Variants in TMEM81 observed in about 807,000 individuals in gnomAD.
TMEM81 encodes the protein transmembrane protein 81.
For synonymous variants in TMEM81, 132 were observed against 119.1 expected (o/e 1.11, Z -0.71); for missense variants, 294 against 300.5 (o/e 0.98, Z 0.16).
Position 205,083,628 on chromosome 1 carries a change from T to C in TMEM81, c.693A>G (p.Gly231=), listed in dbSNP as rs1466898694. ...KKKVASALGI[G]IAIGVVGGVL... ...CGCCACCAACCACTCCAATGGCAAT[T>C]CCTATTCCCAAGGCTGACGCCACCT... is the stretch of plus-strand genomic sequence containing the variant. Residue 231 remains glycine (G), a synonymous_variant, in exon 1 of 1, where the codon GGA becomes GGG. Coordinates refer to ENST00000367167, the MANE Select transcript of TMEM81 (RefSeq NM_203376.2). 5 of 1,614,190 alleles carry C rather than the reference T, an allele frequency of 3.1e-6. No individual in the cohort carries two copies. The highest frequency in any genetic ancestry group is 4.2e-6 in the Non-Finnish European group (5 of 1,180,044).
chr1:205,084,070 T>C lies in TMEM81; in HGVS notation c.251A>G (p.Asn84Ser), dbSNP rs868015752. The C allele has an allele frequency of 9.9e-6, 16 of 1,614,112 alleles. No homozygotes were observed. The highest frequency in any genetic ancestry group is 1.6e-4 in the Middle Eastern group (1 of 6,084). Residue 84 changes from asparagine (N) to serine (S), a missense_variant, in exon 1 of 1, where the codon AAC becomes AGC. Transcript: ENST00000367167. ...CQTRRLECLT[N>S]WICGMLHFTI... ...GAAATGGAGCATCCCACAGATCCAG[T>C]TGGTCAGACATTCTAAGCGCCGAGT...
At position 205,083,786 on chromosome 1, in the gene TMEM81, T is replaced by G. The variant is rs745974204; in HGVS notation, c.535A>C (p.Arg179=). The change falls in exon 1 of 1, where the codon AGG becomes CGG. Residue 179 remains arginine, a synonymous_variant. Coordinates refer to ENST00000367167, the MANE Select transcript of TMEM81 (RefSeq NM_203376.2). The part of the protein sequence containing the change: ...RLVKRLYFGL[R]VLPPNLVNLN... ...TTCACCAAGTTAGGAGGAAGGACCC[T>G]CAACCCAAAATAGAGCCTCTTGACG... is the stretch of plus-strand genomic sequence containing the variant. The G allele has an allele frequency of 6.8e-6, 11 of 1,614,228 alleles. No individual in the cohort carries two copies. In the South Asian group the frequency reaches 1.2e-4, roughly 18 times the overall value.
rs746415800 is a variant in TMEM81 at position 205,084,250 on chromosome 1, G to T, written c.71C>A (p.Thr24Asn). The change falls in exon 1 of 1, where the codon ACT becomes AAT. Residue 24 changes from threonine to asparagine, a missense_variant. Transcript: ENST00000367167. ...AGGGATGGCCAGTGTTTTAGGTGTA[G>T]TCACCACCAAAGGCAGGTAGAAGGC... ...GLAFYLPLVV[T>N]TPKTLAIPEK... The T allele has an allele frequency of 6.2e-7, 1 of 1,614,020 alleles. No homozygotes were observed. The highest frequency in any genetic ancestry group is 1.7e-5 in the Admixed American group (1 of 60,014).
At position 205,083,513 on chromosome 1, in the gene TMEM81, C is replaced by A; in HGVS notation, c.*40G>T. ...AAAGCTAGCTTGGCTTCCTGGGCAG[C>A]CAGTTCTTCAGGAGCAAGGCTGTTA... On this transcript the variant is annotated 3_prime_UTR_variant, in exon 1 of 1. Coordinates refer to ENST00000367167, the MANE Select transcript of TMEM81 (RefSeq NM_203376.2). The A allele has an allele frequency of 6.4e-7, 1 of 1,550,652 alleles. No homozygotes were observed. The highest frequency in any genetic ancestry group is 8.7e-7 in the Non-Finnish European group (1 of 1,149,406).
At position 205,084,201 on chromosome 1, in the gene TMEM81, C is replaced by T; in HGVS notation, c.120G>A (p.Gly40=). 6.2e-7 allele frequency: 1 copy of T among 1,614,166 alleles called. No homozygotes were observed. The highest frequency in any genetic ancestry group is 8.5e-7 in the Non-Finnish European group (1 of 1,180,032). ...AGGTTGTGGCATTGATGATAACTTT[C>T]CCCACAGCTTCTTGCAGCTTCTCAG... is the stretch of plus-strand genomic sequence containing the variant. The part of the protein sequence containing the change: ...AIPEKLQEAV[G]KVIINATTCT... The change falls in exon 1 of 1, where the codon GGG becomes GGA. Residue 40 remains glycine (G), a synonymous_variant. Transcript: ENST00000367167.
Position 205,083,922 on chromosome 1 carries a change from CTCA to C in TMEM81, c.396_398del (p.Asp132del). On this transcript the variant is annotated inframe_deletion, in exon 1 of 1. Coordinates refer to ENST00000367167, the MANE Select transcript of TMEM81 (RefSeq NM_203376.2). ...AGTTGGCTTGAAAGGGTTTGAAGAC[CTCA>C]TCGTCAGTGGAGATGACACCTCGAG... is the stretch of plus-strand genomic sequence containing the variant. 1 of 1,614,190 alleles carries C rather than the reference CTCA, an allele frequency of 6.2e-7. No homozygotes were observed. The highest frequency in any genetic ancestry group is 8.5e-7 in the Non-Finnish European group (1 of 1,180,042).
Position 205,083,684 on chromosome 1 carries a change from A to G in TMEM81, c.637T>C (p.Ser213Pro). The G allele has an allele frequency of 1.9e-6, 3 of 1,614,196 alleles. No individual in the cohort carries two copies. The highest frequency in any genetic ancestry group is 2.5e-6 in the Non-Finnish European group (3 of 1,180,034). The part of the protein sequence containing the change: ...EGLEVNLDSY[S>P]KPHHPKWKKK... The stretch of plus-strand genomic sequence containing the variant: ...TTCCACTTTGGGTGGTGAGGCTTGG[A>G]GTAGCTGTCCAGATTAACTTCCAAT... The change falls in exon 1 of 1, where the codon TCC becomes CCC. Residue 213 changes from serine (S) to proline (P), a missense_variant. Transcript: ENST00000367167.
Position 205,084,306 on chromosome 1 carries a change from G to C in TMEM81, c.15C>G (p.Ala5=). The C allele has an allele frequency of 4.3e-6, 7 of 1,613,064 alleles. No individual in the cohort carries two copies. The highest frequency in any genetic ancestry group is 5.9e-6 in the Non-Finnish European group (7 of 1,179,466). The change falls in exon 1 of 1, where the codon GCC becomes GCG. Residue 5 remains alanine (A), a synonymous_variant. Transcript: ENST00000367167. ...CCAGGCTCCCAAGGACAAAACTAGT[G>C]GCTAAAACCTTCATGTCTCGGTAGG... MKVL[A]TSFVLGSLGL...
chr1:205,083,405 T>A lies in TMEM81; in HGVS notation c.*148A>T. On this transcript the variant is annotated 3_prime_UTR_variant, in exon 1 of 1. Transcript: ENST00000367167. ...GCATAGCTCCCAGGAGATTGTCCCC[T>A]CCATTTCTCCCACTCATTCTTTTGG... is the stretch of plus-strand genomic sequence containing the variant. 2 of 866,598 alleles carry A rather than the reference T, an allele frequency of 2.3e-6. No homozygotes were observed. The highest frequency in any genetic ancestry group is 3.5e-6 in the Non-Finnish European group (2 of 577,566). 53.7% of individuals were successfully genotyped at this position (866,598 alleles called of 1,614,324 possible). A position where few individuals can be genotyped will look rare whatever the true frequency, so the allele number is the denominator to read the frequency against.
In TMEM81 at chr1:205,083,703, T is replaced by C. The variant is rs1360283696; in HGVS notation, c.618A>G (p.Glu206=). Residue 206 remains glutamate, a synonymous_variant, in exon 1 of 1, where the codon GAA becomes GAG. Transcript: ENST00000367167. ...GCTTGGAGTAGCTGTCCAGATTAACTTCCAATCCCTCATCTATTAACTTCT... is the reference window on the plus strand; with the variant it reads ...GCTTGGAGTAGCTGTCCAGATTAACCTCCAATCCCTCATCTATTAACTTCT... ...EDQKLIDEGL[E]VNLDSYSKPH... The C allele has an allele frequency of 6.2e-7, 1 of 1,614,216 alleles. No homozygotes were observed. The highest frequency in any genetic ancestry group is 1.3e-5 in the African/African-American group (1 of 75,062).
At position 205,083,265 on chromosome 1, in the gene TMEM81, A is replaced by G. The variant is rs535379914; in HGVS notation, c.*288T>C. 7.8e-6 allele frequency: 3 copies of G among 386,498 alleles called. No homozygotes were observed. The East Asian group carries it at 1.2e-4, about 16-fold the overall frequency. The allele number at this position is 386,498 out of a possible 1,614,324, so 23.9% of individuals were successfully genotyped here. ...GTCATAAAGGGTAGAAAATGAATGC[A>G]AGCTTCTTAGAACTCTTCCCAGGAA... On this transcript the variant is annotated 3_prime_UTR_variant, in exon 1 of 1. Transcript: ENST00000367167.
In TMEM81 at chr1:205,083,148, T is replaced by TG. The variant is rs757819514; in HGVS notation, c.*404dup. 6.6e-5 allele frequency: 11 copies of TG among 165,722 alleles called. No individual in the cohort carries two copies. The highest frequency in any genetic ancestry group is 1.2e-4 in the African/African-American group (5 of 42,030). The allele number at this position is 165,722 out of a possible 1,614,324, so 10.3% of individuals were successfully genotyped here. The stretch of plus-strand genomic sequence containing the variant: ...TACAGCTACTGTGAATTACTTTTAT[T>TG]GAAAAAAAATGTTCACTAAAAAGGC... On this transcript the variant is annotated 3_prime_UTR_variant, in exon 1 of 1. Transcript: ENST00000367167.
At position 205,084,307 on chromosome 1, in the gene TMEM81, G is replaced by A. The variant is rs1457807554; in HGVS notation, c.14C>T (p.Ala5Val). The stretch of plus-strand genomic sequence containing the variant: ...CAGGCTCCCAAGGACAAAACTAGTG[G>A]CTAAAACCTTCATGTCTCGGTAGGC... The part of the protein sequence containing the change: MKVL[A>V]TSFVLGSLGL... Residue 5 changes from alanine (A) to valine (V), a missense_variant, in exon 1 of 1, where the codon GCC becomes GTC. Ala to Val is a moderately conservative substitution (Grantham distance 64). Transcript: ENST00000367167. 1.9e-6 allele frequency: 3 copies of A among 1,613,060 alleles called. No individual in the cohort carries two copies. The highest frequency in any genetic ancestry group is 2.5e-6 in the Non-Finnish European group (3 of 1,179,478).
At position 205,083,892 on chromosome 1, in the gene TMEM81, G is replaced by A. The variant is rs777771583; in HGVS notation, c.429C>T (p.His143=). 6.2e-7 allele frequency: 1 copy of A among 1,614,198 alleles called. No homozygotes were observed. Among genetic ancestry groups the A allele is most frequent in the South Asian group, 1.1e-5 (1 of 91,088 alleles). The part of the protein sequence containing the change: ...EVFKPFQANS[H]FVKFKYAQEY... ...CCTGAGCATATTTAAACTTCACAAA[G>A]TGGGAGTTGGCTTGAAAGGGTTTGA... The change falls in exon 1 of 1, where the codon CAC becomes CAT. Residue 143 remains histidine, a synonymous_variant. Coordinates refer to ENST00000367167, the MANE Select transcript of TMEM81 (RefSeq NM_203376.2).
Position 205,084,260 on chromosome 1 carries a change from A to C in TMEM81, c.61T>G (p.Leu21Val). Reference protein sequence around the residue: ...GSLGLAFYLPLVVTTPKTLAI... With the variant: ...GSLGLAFYLPVVVTTPKTLAI... ...AGTGTTTTAGGTGTAGTCACCACCA[A>C]AGGCAGGTAGAAGGCCAACCCCAGG... is the stretch of plus-strand genomic sequence containing the variant. The change falls in exon 1 of 1, where the codon TTG becomes GTG. Residue 21 changes from leucine (L) to valine (V), a missense_variant. Physicochemically the swap from Leu to Val is conservative, Grantham distance 32. Transcript: ENST00000367167. The C allele has an allele frequency of 6.2e-7, 1 of 1,613,906 alleles. No individual in the cohort carries two copies. The highest frequency in any genetic ancestry group is 8.5e-7 in the Non-Finnish European group (1 of 1,180,006).
rs1655063939 is a variant in TMEM81, at chr1:205,083,740, A to G, written c.581T>C (p.Leu194Pro). The G allele has an allele frequency of 1.1e-5, 17 of 1,614,206 alleles. No individual in the cohort carries two copies. Among genetic ancestry groups the G allele is most frequent in the Non-Finnish European group, 1.4e-5 (17 of 1,180,034 alleles). Reference protein sequence around the residue: ...NLVNLNFHQSLTEDQKLIDEG... With the variant: ...NLVNLNFHQSPTEDQKLIDEG... The stretch of plus-strand genomic sequence containing the variant: ...ATCTATTAACTTCTGATCCTCAGTA[A>G]GTGACTGATGGAAATTCAGATTCAC... The change falls in exon 1 of 1, where the codon CTT becomes CCT. Residue 194 changes from leucine to proline, a missense_variant. Leu to Pro is a moderately conservative substitution (Grantham distance 98). Transcript: ENST00000367167.
rs1166983713 is a variant in TMEM81, at chr1:205,083,821, T to C, written c.500A>G (p.Asn167Ser). ...ATAGAGCCTCTTGACGAGTCTCAAGTTTTTTACCAGCTGCACATCACAGCG... is the reference window on the plus strand; with the variant it reads ...ATAGAGCCTCTTGACGAGTCTCAAGCTTTTTACCAGCTGCACATCACAGCG... ...TYRCDVQLVKNLRLVKRLYFG... is the reference protein window; with the variant it reads ...TYRCDVQLVKSLRLVKRLYFG... The change falls in exon 1 of 1, where the codon AAC becomes AGC. Residue 167 changes from asparagine (N) to serine (S), a missense_variant. By Grantham distance (46) the Asn-to-Ser change is conservative (BLOSUM62 1). Transcript: ENST00000367167. 11 of 1,613,846 alleles carry C rather than the reference T, an allele frequency of 6.8e-6. No individual in the cohort carries two copies. Among genetic ancestry groups the C allele is most frequent in the Non-Finnish European group, 9.3e-6 (11 of 1,179,854 alleles).
rs1304038114 is a variant in TMEM81 at position 205,083,222 on chromosome 1, AG to A, written c.*330del. The A allele has an allele frequency of 3.5e-6, 1 of 282,568 alleles. No homozygotes were observed. The highest frequency in any genetic ancestry group is 2.2e-5 in the African/African-American group (1 of 45,974). 17.5% of individuals were successfully genotyped at this position (282,568 alleles called of 1,614,324 possible). ...ACACAGCTCAGAAGAGGGGAAATGG[AG>A]GTGGGGAGGCATCCAAGTCATAAAG... On this transcript the variant is annotated 3_prime_UTR_variant, in exon 1 of 1. Transcript: ENST00000367167.
rs1206104682 is a variant in TMEM81, at chr1:205,083,708, A to G, written c.613T>C (p.Leu205=). 1 of 1,614,122 alleles carries G rather than the reference A, an allele frequency of 6.2e-7. No individual in the cohort carries two copies. The highest frequency in any genetic ancestry group is 1.7e-5 in the Admixed American group (1 of 60,006). ...GAGTAGCTGTCCAGATTAACTTCCA[A>G]TCCCTCATCTATTAACTTCTGATCC... ...TEDQKLIDEG[L]EVNLDSYSKP... Residue 205 remains leucine, a synonymous_variant, in exon 1 of 1, where the codon TTG becomes CTG. Transcript: ENST00000367167.
Sources: gnomAD v4.1 joint callset for allele counts on GRCh38, gnomAD v4.1.1 for gene constraint, MANE v1.5 for transcripts, NCBI Gene and HGNC (gene_info 2026-07-23, HGNC 2026-07-21) for gene names.